The following DDX46 variants were observed in gnomAD, a reference collection of about 807,000 sequenced individuals.
DDX46 encodes the protein probable ATP-dependent RNA helicase DDX46.
A neutral mutation model predicts 134.9 loss-of-function variants in DDX46; 30 were observed. The observed-to-expected ratio is 0.22, with a 90% CI of 0.17 to 0.30. The LOEUF is 0.30. Ranked by LOEUF, DDX46 falls within the 10% of genes least tolerant of loss-of-function variation. The pLI is 1.00. For missense variants in DDX46, 622 were observed against 1,248.7 expected, an observed-to-expected ratio of 0.50 and a Z score of 7.56; for synonymous variants, 415 against 404.1, an observed-to-expected ratio of 1.03 and a Z score of -0.32.
In DDX46 at chr5:134,826,959, T is replaced by C; in HGVS notation, c.2990T>C (p.Leu997Pro). The C allele has an allele frequency of 6.2e-7, 1 of 1,613,316 alleles. No individual in the cohort carries two copies. The highest frequency in any genetic ancestry group is 8.5e-7 in the Non-Finnish European group (1 of 1,179,750). ...IYLAIESANE[L>P]AVQKAKAEIT... ...ACTCAATCACTAGGTGCCAATGAAC[T>C]GGCTGTGCAGAAAGCAAAGGCAGAA... The change falls in exon 22 of 23, where the codon CTG becomes CCG. Residue 997 changes from leucine to proline, a missense_variant. Transcript: ENST00000452510.
At chr5:134,812,298 C>G (rs1482088849) in intron 18 of DDX46, among the ~76,000 whole-genome samples, 3 of 151,998 alleles carry the variant, frequency 2.0e-5, no homozygotes, top group Non-Finnish European at 4.4e-5. Flanking sequence ...TTCCTGACCT[C>G]AAGTGATCCG....
rs367648015 is a variant in DDX46, at chr5:134,758,903, G to A, written c.-36G>A. On this transcript the variant is annotated 5_prime_UTR_variant, in exon 1 of 23. Transcript: ENST00000452510. ...TGTTTGTCCGGTTCGCCTGTGCGTGGTACTCAAGGGCACCAGTATTCCCGC... is the reference window on the plus strand; with the variant it reads ...TGTTTGTCCGGTTCGCCTGTGCGTGATACTCAAGGGCACCAGTATTCCCGC... 15 of 1,613,504 alleles carry A rather than the reference G, an allele frequency of 9.3e-6. No individual in the cohort carries two copies. Among genetic ancestry groups the A allele is most frequent in the Non-Finnish European group, 1.2e-5 (14 of 1,179,872 alleles).
chr5:134,785,348 A>T, intron 10 of DDX46, 117 bp from the exon 11 acceptor site: 1 of 1,327,730 alleles, frequency 7.5e-7, no homozygotes, highest in Non-Finnish European at 9.8e-7. Flanking sequence ...GGGATGCATA[A>T]CAAAACAAAA....
chr5:134,813,601 C>T (rs1755207054), intron 18 of DDX46, among the ~76,000 whole-genome samples: 1 of 152,004 alleles, frequency 6.6e-6, no homozygotes, highest in South Asian at 2.1e-4. Context: ...CTGTCACTTC[C>T]ACTTTATTCT....
At position 134,807,968 on chromosome 5, in the gene DDX46, C is replaced by G. The variant is rs746065241; in HGVS notation, c.2148+27C>G. On this transcript the variant is annotated intron_variant, in intron 16 of 22. Transcript: ENST00000452510. ...TAAAAATAAGTTTTTTATAGTTGAT[C>G]TTCATTATATTAAAATACAGGTGTT... is the stretch of plus-strand genomic sequence containing the variant. 4 of 1,564,098 alleles carry G rather than the reference C, an allele frequency of 2.6e-6. No homozygotes were observed. In the African/African-American group the frequency reaches 5.5e-5, roughly 21 times the overall value.
rs1323229521 is a variant in DDX46, at chr5:134,828,940, T to G, written c.*234T>G. 3 of 329,350 alleles carry G rather than the reference T, an allele frequency of 9.1e-6. No individual in the cohort carries two copies. The highest frequency in any genetic ancestry group is 1.6e-5 in the Non-Finnish European group (3 of 182,930). 20.4% of individuals were successfully genotyped at this position (329,350 alleles called of 1,614,324 possible). On this transcript the variant is annotated 3_prime_UTR_variant, in exon 23 of 23. Transcript: ENST00000452510. Reference sequence around the variant, plus strand: ...GAGTATGATGTCCTTTAATGTAAACTCAAATATCAATATTTTAAATGTCCG... The same window carrying G: ...GAGTATGATGTCCTTTAATGTAAACGCAAATATCAATATTTTAAATGTCCG...
rs368423541 is a variant in DDX46 at position 134,771,042 on chromosome 5, GTCTT to G, written c.447+57_447+60del. 3,811 of 839,512 alleles carry G rather than the reference GTCTT, an allele frequency of 4.5e-3. 81 individuals carry two copies. The highest frequency in any genetic ancestry group is 0.044 in the African/African-American group (2,468 of 55,650). The allele number at this position is 839,512 out of a possible 1,614,324, so 52.0% of individuals were successfully genotyped here. ...AAAATAATTTTCTTTCTTTCTTTTTGTCTTTCTTTCTTTCTTTTCTTTCTTTCCC... is the reference window on the plus strand; with the variant it reads ...AAAATAATTTTCTTTCTTTCTTTTTGTCTTTCTTTCTTTTCTTTCTTTCCC... On this transcript the variant is annotated intron_variant, in intron 4 of 22. Coordinates refer to ENST00000452510, the MANE Select transcript of DDX46 (RefSeq NM_001300860.2).
intron 15 of DDX46, among the ~76,000 whole-genome samples, chr5:134,803,660 C>T (rs1005780791): frequency 3.3e-5 from 5 of 152,174 alleles, no homozygotes; most frequent in Non-Finnish European, 5.9e-5. Flanking sequence ...ATTTCTGCTG[C>T]TGTTAGTCGC....
chr5:134,776,007 C>G (rs979286743), intron 5 of DDX46, among the ~76,000 whole-genome samples: 4 of 152,148 alleles, frequency 2.6e-5, no homozygotes, highest in African/African-American at 9.7e-5. Flanking sequence ...TCACCAATAA[C>G]ATGAACAGTT....
rs1419364786 is a variant in DDX46, at chr5:134,764,002, G to A, written c.116G>A (p.Arg39Gln). The change falls in exon 2 of 23, where the codon CGG becomes CAG. Residue 39 changes from arginine to glutamine, a missense_variant. Physicochemically the swap from Arg to Gln is conservative, Grantham distance 43. Transcript: ENST00000452510. ...DKRSKRGDDR[R>Q]SRSRDRDRRR... ...AGAAGTAAACGTGGAGATGACAGAC[G>A]GTCTAGAAGTAGAGATAGAGATAGG... The A allele has an allele frequency of 1.2e-6, 2 of 1,614,172 alleles. No homozygotes were observed. Among genetic ancestry groups the A allele is most frequent in the African/African-American group, 1.3e-5 (1 of 75,048 alleles).
chr5:134,805,356 C>T (rs1262017102), intron 15 of DDX46, among the ~76,000 whole-genome samples: 2 of 151,840 alleles, frequency 1.3e-5, no homozygotes, highest in Admixed American at 6.6e-5. Context: ...TTAGTAGAGA[C>T]GGAGTTTCAC....
rs373453483 is a variant in DDX46, at chr5:134,767,679, G to A, written c.350+619G>A. On this transcript the variant is annotated intron_variant, in intron 3 of 22. Coordinates refer to ENST00000452510, the MANE Select transcript of DDX46 (RefSeq NM_001300860.2). ...AAAGTTAAGAAATTAGGCCAGGCGC[G>A]GTGGCTGACGCCTGTAATCCTTGCA... 1.6e-4 allele frequency among the ~76,000 whole-genome samples: 25 copies of A among 151,702 alleles called. No individual in the cohort carries two copies. The East Asian group carries it at 2.2e-3, about 13-fold the overall frequency.
intron 11 of DDX46, among the ~76,000 whole-genome samples, chr5:134,787,028 T>G (rs1346824729): frequency 6.6e-6 from 1 of 152,088 alleles, no homozygotes; most frequent in African/African-American, 2.4e-5. Flanking sequence ...GCTTAAGCCG[T>G]CCTCCCTCTT....
In DDX46 at chr5:134,785,448, T is replaced by C. The variant is rs1251033846; in HGVS notation, c.1343-17T>C. On this transcript the variant is annotated splice_polypyrimidine_tract_variant and intron_variant, in intron 10 of 22. Transcript: ENST00000452510. ...AGAATTTTGGTGGTTAGGCTACTGA[T>C]GTATTTATCTTTCCAGCTGTCATCA... 1.2e-6 allele frequency: 2 copies of C among 1,609,902 alleles called. No individual in the cohort carries two copies. The highest frequency in any genetic ancestry group is 2.7e-5 in the African/African-American group (2 of 74,894).
intron 3 of DDX46, among the ~76,000 whole-genome samples, chr5:134,769,031 C>T (rs758999263): frequency 2.6e-5 from 4 of 152,138 alleles, no homozygotes; most frequent in Non-Finnish European, 5.9e-5. Flanking sequence ...GCACTCCAGC[C>T]TGGCCGACAG....
At position 134,811,865 on chromosome 5, in the gene DDX46, C is replaced by A. The variant is rs1755154258; in HGVS notation, c.2436+20C>A. Reference sequence around the variant, plus strand: ...GTTGATGTAAGTACTATTATTCTCTCATTCTTAATTGAAGCAGTTATTTCT... The same window carrying A: ...GTTGATGTAAGTACTATTATTCTCTAATTCTTAATTGAAGCAGTTATTTCT... On this transcript the variant is annotated intron_variant, in intron 18 of 22. Transcript: ENST00000452510. 2 of 1,598,886 alleles carry A rather than the reference C, an allele frequency of 1.3e-6. No homozygotes were observed. Among genetic ancestry groups the A allele is most frequent in the Non-Finnish European group, 1.7e-6 (2 of 1,175,518 alleles).
At chr5:134,779,750 A>G (rs573004880) in intron 6 of DDX46, among the ~76,000 whole-genome samples, 3 of 152,306 alleles carry the variant, frequency 2.0e-5, no homozygotes, top group South Asian at 2.1e-4. Context: ...TTGGCCTCCC[A>G]AAGTGCTGGG....
intron 21 of DDX46, among the ~76,000 whole-genome samples, chr5:134,824,657 A>T (rs1309251175): frequency 2.0e-5 from 3 of 152,206 alleles, no homozygotes; most frequent in Non-Finnish European, 4.4e-5. Flanking sequence ...AGTGATCTAA[A>T]TCTTTTAGAA....
intron 1 of DDX46, among the ~76,000 whole-genome samples, chr5:134,759,333 TTTAG>T (rs974402200): frequency 6.6e-6 from 1 of 152,216 alleles, no homozygotes; most frequent in African/African-American, 2.4e-5. Context: ...CATTCTGTAT[TTTAG>T]TTCTTTGTGC....
Sources: gnomAD v4.1 joint callset for allele counts (sites outside exome capture counted in the v4.1 genomes callset) on GRCh38, gnomAD v4.1.1 for gene constraint, MANE v1.5 for transcripts, NCBI Gene and HGNC (gene_info 2026-07-23, HGNC 2026-07-21) for gene names.